The following R3HDM2 variants were observed in gnomAD, a reference collection of about 807,000 sequenced individuals.
The protein encoded by R3HDM2 is R3H domain-containing protein 2.
In R3HDM2, 38 loss-of-function variants were observed where a neutral mutation model predicts 124.5. The observed-to-expected ratio is 0.31, with a 90% CI of 0.24 to 0.40. The LOEUF (loss-of-function observed/expected upper bound fraction) is 0.40. Among genes scored for constraint, R3HDM2 ranks in the 10% least tolerant of loss-of-function variants. The pLI is 1.00. For missense variants in R3HDM2, 869 were observed against 1,236.9 expected, an observed-to-expected ratio of 0.70 and a Z score of 4.46; for synonymous variants, 391 against 448.0, an observed-to-expected ratio of 0.87 and a Z score of 1.61.
intron 2 of R3HDM2, among the ~76,000 whole-genome samples, chr12:57,316,772 T>C (rs963114064): frequency 1.3e-5 from 2 of 149,630 alleles, no homozygotes; most frequent in South Asian, 2.1e-4. Flanking sequence ...TTTTTTTACA[T>C]GGAGTCTCAC....
At chr12:57,370,397 C>CGGCG (rs2063177819) in intron 2 of R3HDM2, among the ~76,000 whole-genome samples, 1 of 62,676 alleles carries the variant, frequency 1.6e-5, no homozygotes, top group African/African-American at 7.8e-5. Context: ...TTGGGAGGCC[C>CGGCG]GGGGGGGGGG....
intron 14 of R3HDM2, among the ~76,000 whole-genome samples, chr12:57,270,529 A>C (rs1015204248): frequency 6.6e-6 from 1 of 152,144 alleles, no homozygotes; most frequent in African/African-American, 2.4e-5. Context: ...ACCCAGGTTC[A>C]AGCAATTCTC....
chr12:57,397,859 G>A (rs2067701848), intron 1 of R3HDM2, among the ~76,000 whole-genome samples: 1 of 152,146 alleles, frequency 6.6e-6, no homozygotes, highest in East Asian at 1.9e-4. Flanking sequence ...TGACTTTCTT[G>A]CCCTAATTGT....
intron 2 of R3HDM2, among the ~76,000 whole-genome samples, chr12:57,348,501 C>G (rs1300788337): frequency 1.3e-5 from 2 of 151,912 alleles, no homozygotes; most frequent in Admixed American, 1.3e-4. Context: ...CAAGACCAGT[C>G]TGGCCAACAT....
chr12:57,268,833 G>A lies in R3HDM2; in HGVS notation c.1875+89C>T, dbSNP rs568809993. 32 of 1,440,474 alleles carry A rather than the reference G, an allele frequency of 2.2e-5. No individual in the cohort carries two copies. The East Asian group carries it at 6.9e-4, about 31-fold the overall frequency. 89.2% of individuals were successfully genotyped at this position (1,440,474 alleles called of 1,614,324 possible). A position where few individuals can be genotyped will look rare whatever the true frequency, so the allele number is the denominator to read the frequency against. On this transcript the variant is annotated intron_variant, in intron 17 of 23. Transcript: ENST00000402412. ...GGAAAGTAGACACTATTTTAGTATT[G>A]GAGTTTTTAGTATGGATGACCCTGG...
intron 2 of R3HDM2, among the ~76,000 whole-genome samples, chr12:57,329,551 A>T (rs2057816230): frequency 6.6e-6 from 1 of 152,216 alleles, no homozygotes; most frequent in African/African-American, 2.4e-5. Context: ...ATTTTATAGT[A>T]AGAAGGGAGA....
intron 2 of R3HDM2, among the ~76,000 whole-genome samples, chr12:57,327,520 C>T (rs2057487703): frequency 6.6e-6 from 1 of 150,902 alleles, no homozygotes; most frequent in South Asian, 2.1e-4. Context: ...GCCATAGATA[C>T]TGATTCCTCT....
chr12:57,337,691 A>C (rs539335143), intron 2 of R3HDM2, among the ~76,000 whole-genome samples: 1 of 152,344 alleles, frequency 6.6e-6, no homozygotes. Context: ...ATCTTGGGTT[A>C]GCAGATATAG....
intron 2 of R3HDM2, among the ~76,000 whole-genome samples, chr12:57,338,799 CT>C (rs2059185431): frequency 6.6e-6 from 1 of 151,852 alleles, no homozygotes; most frequent in African/African-American, 2.4e-5. Context: ...GTACATCCCC[CT>C]GCCATTTTTT....
chr12:57,274,379 C>T (rs2044230483), intron 14 of R3HDM2, among the ~76,000 whole-genome samples: 1 of 152,174 alleles, frequency 6.6e-6, no homozygotes, highest in South Asian at 2.1e-4. Flanking sequence ...GAGGCTGAGG[C>T]AGGAGAATCG....
chr12:57,363,515 T>C (rs1024154927), intron 2 of R3HDM2, among the ~76,000 whole-genome samples: 2 of 152,164 alleles, frequency 1.3e-5, no homozygotes, highest in African/African-American at 4.8e-5. Context: ...TAATGTTCTA[T>C]ACCACTGCAG....
rs551663027 is a variant in R3HDM2 at position 57,279,222 on chromosome 12, G to A, written c.1344+1136C>T. Among the ~76,000 whole-genome samples, 13 of 137,714 alleles carry A rather than the reference G, an allele frequency of 9.4e-5. No homozygotes were observed. In the South Asian group the frequency reaches 2.6e-3, roughly 27 times the overall value. The allele number at this position is 137,714 out of a possible 152,430, so 90.3% of individuals were successfully genotyped here. On this transcript the variant is annotated intron_variant, in intron 14 of 23. Transcript: ENST00000402412. ...TTTTGAGACAGGGTCTTACTCTGTC[G>A]CCCAGGCTAGAGAGCAGTGGCGCGA...
At chr12:57,302,791 G>GA (rs535562172) in intron 4 of R3HDM2, among the ~76,000 whole-genome samples, 4,572 of 124,182 alleles carry the variant, frequency 0.037, 231 homozygotes, top group African/African-American at 0.12. Flanking sequence ...AACTCACAAG[G>GA]AAAAAAAAAA....
intron 2 of R3HDM2, among the ~76,000 whole-genome samples, chr12:57,325,031 G>T (rs573644306): frequency 6.6e-6 from 1 of 152,214 alleles, no homozygotes; most frequent in African/African-American, 2.4e-5. Flanking sequence ...TGACCATCTG[G>T]AAGCCACAGA....
At chr12:57,346,879 C>T (rs543380749) in intron 2 of R3HDM2, among the ~76,000 whole-genome samples, 4 of 152,138 alleles carry the variant, frequency 2.6e-5, no homozygotes, top group Admixed American at 6.5e-5. Context: ...AAGAGGGATA[C>T]GAAAGAAACC....
chr12:57,426,815 T>C (rs2070782666), intron 1 of R3HDM2, among the ~76,000 whole-genome samples: 1 of 152,126 alleles, frequency 6.6e-6, no homozygotes, highest in Non-Finnish European at 1.5e-5. Flanking sequence ...ATGAGTACCT[T>C]AGAAAACCAG....
intron 12 of R3HDM2, among the ~76,000 whole-genome samples, chr12:57,287,552 C>G (rs777245050): frequency 1.3e-5 from 2 of 152,092 alleles, no homozygotes. Flanking sequence ...CCCCAATTTC[C>G]ACAAGGTTTG....
intron 19 of R3HDM2, among the ~76,000 whole-genome samples, chr12:57,265,946 G>A (rs1474024119): frequency 3.3e-5 from 5 of 151,554 alleles, no homozygotes; most frequent in South Asian, 4.2e-4. Flanking sequence ...ACAGATGCAC[G>A]CCACCATGCC....
intron 10 of R3HDM2, among the ~76,000 whole-genome samples, chr12:57,294,810 G>C (rs2049406284): frequency 6.6e-6 from 1 of 152,192 alleles, no homozygotes; most frequent in Admixed American, 6.5e-5. Context: ...CACAGCAGTG[G>C]ATCACAAAGG....
Sources: allele counts gnomAD v4.1 joint callset (sites outside exome capture counted in the v4.1 genomes callset), GRCh38; gene constraint gnomAD v4.1.1; transcripts MANE v1.5; gene names NCBI Gene and HGNC (gene_info 2026-07-23, HGNC 2026-07-21).